The following HSPA9 variants were observed in gnomAD, a reference collection of about 807,000 sequenced individuals.
HSPA9 encodes stress-70 protein, mitochondrial.
A neutral mutation model predicts 81.5 loss-of-function variants in HSPA9; 28 were observed. That is an observed-to-expected ratio of 0.34 (90% CI 0.25 to 0.47). The LOEUF (loss-of-function observed/expected upper bound fraction) is 0.47, where lower values mean the gene tolerates loss of function less well. Ranked by LOEUF, HSPA9 falls within the 20% of genes least tolerant of loss-of-function variation. The probability of loss-of-function intolerance (pLI) is 1.00; values close to 1 mark genes in which losing one functional copy is unlikely to be tolerated. For missense variants in HSPA9, 678 were observed against 838.0 expected (o/e 0.81, Z 2.36); for synonymous variants, 293 against 290.4 (o/e 1.01, Z -0.09).
intron 5 of HSPA9, 96 bp downstream of exon 5, chr5:138,568,829 C>A: frequency 7.6e-7 from 1 of 1,313,216 alleles, no homozygotes; most frequent in South Asian, 1.2e-5. Flanking sequence ...AAAGGGACCA[C>A]AGATTCATCT....
At chr5:138,566,548 A>G (rs1750766953) in intron 9 of HSPA9, 78 bp downstream of exon 9, 1 of 1,062,718 alleles carries the variant, frequency 9.4e-7, no homozygotes, top group Admixed American at 1.7e-5. Context: ...CATTAGGCCA[A>G]TTAGAAAATA....
intron 3 of HSPA9, among the ~76,000 whole-genome samples, chr5:138,572,412 T>C (rs551664313): frequency 6.6e-6 from 1 of 152,352 alleles, no homozygotes; most frequent in African/African-American, 2.4e-5. Context: ...TTGGTTACTC[T>C]GGTAACCACC....
chr5:138,575,104 G>A (rs1751059171), intron 1 of HSPA9, 134 bp downstream of exon 1: 4 of 659,570 alleles, frequency 6.1e-6, no homozygotes, highest in South Asian at 1.9e-5. Context: ...AACTATGGAA[G>A]GCCCGTTACC....
At chr5:138,573,884 G>T in intron 2 of HSPA9, 34 bp from the exon 3 acceptor site, 1 of 1,538,314 alleles carries the variant, frequency 6.5e-7, no homozygotes, top group Non-Finnish European at 9.0e-7. Context: ...CACAGCTATT[G>T]TTATCTTGAT....
In HSPA9 at chr5:138,572,900, CT is replaced by C. The variant is rs539598546; in HGVS notation, c.228+862del. On this transcript the variant is annotated intron_variant, in intron 3 of 16. Coordinates refer to ENST00000297185, the MANE Select transcript of HSPA9 (RefSeq NM_004134.7). ...TGAAAAACCTGATCTATAGTCTCTTCTTTTTTTTTTTTTGAGACAAAGTCTC... is the reference window on the plus strand; with the variant it reads ...TGAAAAACCTGATCTATAGTCTCTTCTTTTTTTTTTTTGAGACAAAGTCTC... Among the ~76,000 whole-genome samples the C allele has an allele frequency of 6.4e-3, 927 of 144,902 alleles. 4 individuals are homozygous for C. The highest frequency in any genetic ancestry group is 0.015 in the African/African-American group (597 of 39,900).
intron 12 of HSPA9, 26 bp downstream of exon 12, chr5:138,558,527 A>C: frequency 7.6e-7 from 1 of 1,322,924 alleles, no homozygotes; most frequent in Non-Finnish European, 1.1e-6. Flanking sequence ...AAGGAGGCAT[A>C]GTATTCAGGA....
chr5:138,573,692 C>G, intron 3 of HSPA9, 71 bp downstream of exon 3: 1 of 585,354 alleles, frequency 1.7e-6, no homozygotes, highest in Non-Finnish European at 3.2e-6. Context: ...TCTCAAATTC[C>G]TTAACTAAGG....
At chr5:138,557,052 C>T in intron 14 of HSPA9, 186 bp from the exon 15 acceptor site, 2 of 642,500 alleles carry the variant, frequency 3.1e-6, no homozygotes. Flanking sequence ...GATTTTGTAA[C>T]ATCAGAATTG....
chr5:138,559,262 T>C (rs769078768), intron 11 of HSPA9, among the ~76,000 whole-genome samples: 1 of 152,082 alleles, frequency 6.6e-6, no homozygotes, highest in Non-Finnish European at 1.5e-5. Context: ...CACAGCACCA[T>C]GCCTGGCTAA....
Position 138,575,314 on chromosome 5 carries a change from A to C in HSPA9, c.5T>G (p.Ile2Arg), listed in dbSNP as rs778666947. 7.4e-6 allele frequency: 12 copies of C among 1,611,568 alleles called. No homozygotes were observed. In the East Asian group the frequency reaches 2.7e-4, roughly 36 times the overall value. Residue 2 changes from isoleucine to arginine, a missense_variant, in exon 1 of 17, where the codon ATA becomes AGA. Coordinates refer to ENST00000297185, the MANE Select transcript of HSPA9 (RefSeq NM_004134.7). The part of the protein sequence containing the change: M[I>R]SASRAAAARL... ...GGCTGCTGCAGCTCGGCTGGCACTT[A>C]TCATGGCGGATAAATGGAGGAGTAC...
rs1750901633 is a variant in HSPA9, at chr5:138,571,812, T to TG, written c.229-672_229-671insC. On this transcript the variant is annotated intron_variant, in intron 3 of 16. Coordinates refer to ENST00000297185, the MANE Select transcript of HSPA9 (RefSeq NM_004134.7). ...TGCCTGCCACCACACCCAACTAATT[T>TG]TGTGTGTGTGTGTGTGTGTGTGTAC... 5.5e-5 allele frequency among the ~76,000 whole-genome samples: 8 copies of TG among 146,278 alleles called. No individual in the cohort carries two copies. In the South Asian group the frequency reaches 1.6e-3, roughly 28 times the overall value.
At chr5:138,561,544 CCT>C in intron 10 of HSPA9, 34 bp downstream of exon 10, 1 of 1,549,216 alleles carries the variant, frequency 6.5e-7, no homozygotes, top group Non-Finnish European at 8.9e-7. Context: ...ATGCGCCAGC[CCT>C]CTCTCTCCAC....
chr5:138,570,023 G>A (rs903008769), intron 4 of HSPA9, among the ~76,000 whole-genome samples: 4 of 151,898 alleles, frequency 2.6e-5, no homozygotes, highest in African/African-American at 4.8e-5. Flanking sequence ...GACTATAGGC[G>A]CGCACCACCG....
chr5:138,574,148 C>G, intron 1 of HSPA9, 22 bp from the exon 2 acceptor site: 1 of 1,586,810 alleles, frequency 6.3e-7, no homozygotes, highest in Non-Finnish European at 8.7e-7. Flanking sequence ...AAAACTGACT[C>G]AGTCACCAAC....
chr5:138,563,698 T>C (rs985856678), intron 9 of HSPA9, among the ~76,000 whole-genome samples: 15 of 152,240 alleles, frequency 9.9e-5, no homozygotes, highest in African/African-American at 3.1e-4. Context: ...CTATAAAGCC[T>C]CTAGCCCAAG....
chr5:138,560,801 G>GCC (rs1254980980), intron 10 of HSPA9: 11 of 389,422 alleles, frequency 2.8e-5, no homozygotes, highest in Non-Finnish European at 4.5e-5. Flanking sequence ...GCCCGCCTTG[G>GCC]CCTCCCAAAG....
At position 138,571,150 on chromosome 5, in the gene HSPA9, C is replaced by T; in HGVS notation, c.229-9G>A. On this transcript the variant is annotated splice_polypyrimidine_tract_variant and intron_variant, in intron 3 of 16. Transcript: ENST00000297185. ...TCGGCATTCTCCAGCACCTAAACTC[C>T]CAAAATGTGATAGAGAGTAAGTTTG... 1 of 1,612,936 alleles carries T rather than the reference C, an allele frequency of 6.2e-7. No homozygotes were observed. Among genetic ancestry groups the T allele is most frequent in the Non-Finnish European group, 8.5e-7 (1 of 1,179,756 alleles).
In HSPA9 at chr5:138,558,627, G is replaced by C. The variant is rs1419055516; in HGVS notation, c.1441C>G (p.Gln481Glu). The C allele has an allele frequency of 6.2e-7, 1 of 1,613,562 alleles. No homozygotes were observed. The highest frequency in any genetic ancestry group is 8.5e-7 in the Non-Finnish European group (1 of 1,179,624). The change falls in exon 12 of 17, where the codon CAA (glutamine) becomes GAA (glutamate). Residue 481 changes from glutamine (Q) to glutamate (E), a missense_variant. Physicochemically the swap from Gln to Glu is conservative, Grantham distance 29. Transcript: ENST00000297185. The part of the protein sequence containing the change: ...VFSTAADGQT[Q>E]VEIKVCQGER... ...CCCTGACACACTTTAATTTCCACTT[G>C]CGTTTGACCATCAGCGGCAGTAGAG...
intron 3 of HSPA9, 42 bp downstream of exon 3, chr5:138,573,721 G>T: frequency 2.7e-6 from 3 of 1,107,708 alleles, no homozygotes; most frequent in Non-Finnish European, 4.1e-6. Context: ...ACAGAATTCT[G>T]GACAGATTCT....
Sources: allele counts gnomAD v4.1 joint callset (sites outside exome capture counted in the v4.1 genomes callset), GRCh38; gene constraint gnomAD v4.1.1; transcripts MANE v1.5; gene names NCBI Gene and HGNC (gene_info 2026-07-23, HGNC 2026-07-21).